CPVL: variants seen among roughly 807,000 people sequenced by gnomAD.
CPVL encodes probable serine carboxypeptidase CPVL.
CPVL carries 51 observed loss-of-function variants against 63.7 expected under a neutral mutation model. That is an observed-to-expected ratio of 0.80 (90% CI 0.64 to 1.01). CPVL has a LOEUF of 1.01. Among genes scored for constraint, CPVL ranks in the 50% least tolerant of loss-of-function variants. CPVL has a pLI of 0.00. For synonymous variants in CPVL, 195 were observed against 206.0 expected, an observed-to-expected ratio of 0.95 and a Z score of 0.46; for missense variants, 530 against 573.1, an observed-to-expected ratio of 0.92 and a Z score of 0.77.
intron 5 of CPVL, among the ~76,000 whole-genome samples, chr7:29,169,357 T>C (rs1333768419): frequency 4.6e-5 from 7 of 152,226 alleles, no homozygotes; most frequent in Non-Finnish European, 5.9e-5. Flanking sequence ...AGTGTGCTCT[T>C]TTAGAGTTTA....
At chr7:29,183,443 C>G (rs1215633522) in intron 4 of CPVL, among the ~76,000 whole-genome samples, 1 of 151,032 alleles carries the variant, frequency 6.6e-6, no homozygotes, top group Non-Finnish European at 1.5e-5. Context: ...GTGGCATGAT[C>G]TCGGCTCACT....
At chr7:29,172,311 C>T (rs1189883483) in intron 5 of CPVL, among the ~76,000 whole-genome samples, 1 of 152,196 alleles carries the variant, frequency 6.6e-6, no homozygotes, top group Non-Finnish European at 1.5e-5. Flanking sequence ...TGACTGGTCT[C>T]ATCCAGTTGA....
intron 6 of CPVL, among the ~76,000 whole-genome samples, chr7:29,090,719 T>C (rs769772218): frequency 6.6e-6 from 1 of 152,240 alleles, no homozygotes; most frequent in Non-Finnish European, 1.5e-5. Flanking sequence ...CAGAGAGGCA[T>C]TGTGACTAAA....
chr7:29,070,371 T>C (rs1171506953), intron 9 of CPVL, among the ~76,000 whole-genome samples: 1 of 152,210 alleles, frequency 6.6e-6, no homozygotes, highest in African/African-American at 2.4e-5. Context: ...GCTCTTGCTC[T>C]TGACAATTGC....
intron 12 of CPVL, among the ~76,000 whole-genome samples, chr7:29,022,492 A>G (rs538905403): frequency 7.2e-5 from 11 of 152,306 alleles, no homozygotes; most frequent in Admixed American, 5.2e-4. Context: ...CACATATGCC[A>G]TCTAGAGGCC....
rs1264765667 is a variant in CPVL, at chr7:28,995,638, A to G, written c.*134T>C. ...CCAAAAACAAAAGCTCACTTGTTTC[A>G]AGGATAATTTTTATTGATGAAAAAA... On this transcript the variant is annotated 3_prime_UTR_variant, in exon 13 of 13. Transcript: ENST00000265394. The G allele has an allele frequency of 4.7e-6, 3 of 644,786 alleles. No homozygotes were observed. Among genetic ancestry groups the G allele is most frequent in the Non-Finnish European group, 8.1e-6 (3 of 372,560 alleles). 39.9% of individuals were successfully genotyped at this position (644,786 alleles called of 1,614,324 possible). A position where few individuals can be genotyped will look rare whatever the true frequency, so the allele number is the denominator to read the frequency against.
intron 1 of CPVL, among the ~76,000 whole-genome samples, chr7:29,136,020 G>A (rs1054318692): frequency 9.2e-5 from 14 of 152,210 alleles, no homozygotes; most frequent in South Asian, 6.2e-4. Context: ...CAAGAAAGAG[G>A]AAGACATGGG....
At chr7:29,174,396 G>A (rs549843216) in intron 5 of CPVL, among the ~76,000 whole-genome samples, 10 of 152,250 alleles carry the variant, frequency 6.6e-5, no homozygotes, top group Non-Finnish European at 1.0e-4. Context: ...TCGAGGCCTG[G>A]AGGCTACACC....
intron 3 of CPVL, among the ~76,000 whole-genome samples, chr7:29,106,390 T>G (rs1361527551): frequency 6.6e-6 from 1 of 151,974 alleles, no homozygotes; most frequent in Non-Finnish European, 1.5e-5. Flanking sequence ...GAGCCAGGGA[T>G]ATCATCTTGC....
intron 3 of CPVL, among the ~76,000 whole-genome samples, chr7:29,097,729 G>C (rs181142873): frequency 6.6e-6 from 1 of 152,264 alleles, no homozygotes; most frequent in East Asian, 1.9e-4. Flanking sequence ...AATGATTGGA[G>C]AGTGTGAAAA....
intron 12 of CPVL, among the ~76,000 whole-genome samples, chr7:29,026,568 T>A (rs1432179230): frequency 1.3e-5 from 2 of 151,364 alleles, no homozygotes; most frequent in East Asian, 3.9e-4. Context: ...TTAAAAAAGA[T>A]AAATAAAATC....
chr7:29,145,929 C>G (rs1407494483), intron 1 of CPVL: 1 of 152,196 alleles, frequency 6.6e-6, no homozygotes, highest in Non-Finnish European at 1.5e-5. Context: ...TCTTCCTATG[C>G]GTTCCTAGGC....
intron 12 of CPVL, among the ~76,000 whole-genome samples, chr7:29,015,522 C>G (rs1051477709): frequency 2.0e-5 from 3 of 152,218 alleles, no homozygotes; most frequent in African/African-American, 7.2e-5. Flanking sequence ...CCCCGGCTAG[C>G]TCTCATCTGC....
At chr7:29,046,805 G>A (rs1378745203) in intron 11 of CPVL, among the ~76,000 whole-genome samples, 1 of 152,118 alleles carries the variant, frequency 6.6e-6, no homozygotes, top group Non-Finnish European at 1.5e-5. Flanking sequence ...TGGAGACTGT[G>A]GGTTGCATTT....
In CPVL at chr7:29,112,709, C is replaced by T; in HGVS notation, c.283G>A (p.Ala95Thr). Residue 95 changes from alanine (A) to threonine (T), a missense_variant, in exon 3 of 13, where the codon GCT (alanine) becomes ACT (threonine). Coordinates refer to ENST00000265394, the MANE Select transcript of CPVL (RefSeq NM_031311.5). ...TCTTTCTGTTGGGCACCTACCTGAG[C>T]TGGGAAGAACCAGAAGAAGAGGTTG... ...NSNLFFWFFP[A>T]QIQPEDAPVV... 1 of 1,609,772 alleles carries T rather than the reference C, an allele frequency of 6.2e-7. No homozygotes were observed. The highest frequency in any genetic ancestry group is 8.5e-7 in the Non-Finnish European group (1 of 1,176,670).
intron 7 of CPVL, among the ~76,000 whole-genome samples, chr7:29,075,956 G>GTTTTTTGTT (rs1554335830): frequency 9.1e-6 from 1 of 110,336 alleles, no homozygotes; most frequent in Non-Finnish European, 1.7e-5. Context: ...TGTTGAGATA[G>GTTTTTTGTT]TTTTTTTTTT....
In CPVL at chr7:29,100,683, T is replaced by C. The variant is rs185690826; in HGVS notation, c.289-4466A>G. ...CAACTTTGAAGCACAGGACACTGCA[T>C]TCTTGGAATGCTTAAATAACAAGAT... On this transcript the variant is annotated intron_variant, in intron 3 of 12. Coordinates refer to ENST00000265394, the MANE Select transcript of CPVL (RefSeq NM_031311.5). Among the ~76,000 whole-genome samples, 50 of 152,348 alleles carry C rather than the reference T, an allele frequency of 3.3e-4. 2 individuals are homozygous for C. Among genetic ancestry groups the C allele is most frequent in the Admixed American group, 2.8e-3 (43 of 15,306 alleles).
chr7:29,194,034 T>C (rs576926933), intron 1 of CPVL: 2 of 152,126 alleles, frequency 1.3e-5, no homozygotes, highest in South Asian at 2.1e-4. Context: ...TGGAGAGGAG[T>C]GGAAGGAGCG....
At chr7:29,092,818 G>C (rs1460238486) in intron 5 of CPVL, 116 bp from the exon 6 acceptor site, 1 of 757,552 alleles carries the variant, frequency 1.3e-6, no homozygotes, top group East Asian at 2.7e-5. Context: ...TCAGACTTCA[G>C]ATTTTTGCCG....
Sources: allele counts gnomAD v4.1 joint callset (sites outside exome capture counted in the v4.1 genomes callset), GRCh38; gene constraint gnomAD v4.1.1; transcripts MANE v1.5; gene names NCBI Gene and HGNC (gene_info 2026-07-23, HGNC 2026-07-21).